Variants in GRID2 observed in about 807,000 individuals in gnomAD.
GRID2 encodes glutamate receptor ionotropic, delta-2.
GRID2 carries 33 observed loss-of-function variants against 114.8 expected under a neutral mutation model. The observed-to-expected ratio is 0.29, with a 90% CI of 0.22 to 0.38. The LOEUF is 0.38. GRID2 is among the 10% of genes least tolerant of loss of function. The pLI, the probability that GRID2 is intolerant of heterozygous loss-of-function variation, is 1.00. For synonymous variants in GRID2, 505 were observed against 449.9 expected (o/e 1.12, Z -1.55); for missense variants, 1,184 against 1,257.7 (o/e 0.94, Z 0.89).
At chr4:93,135,743 ATTTTG>A (rs1271788162) in intron 4 of GRID2, among the ~76,000 whole-genome samples, 1 of 152,134 alleles carries the variant, frequency 6.6e-6, no homozygotes, top group Non-Finnish European at 1.5e-5. Context: ...TCAGGAAAAT[ATTTTG>A]TTTTGTTTTT....
At chr4:92,532,131 GTTGAGTGGGA>G (rs572569867) in intron 1 of GRID2, among the ~76,000 whole-genome samples, 138 of 152,144 alleles carry the variant, frequency 9.1e-4, no homozygotes, top group Non-Finnish European at 1.4e-3. Flanking sequence ...TTCAGTTTCT[GTTGAGTGGGA>G]TATGTTCATG....
At chr4:93,004,653 G>A (rs1481427727) in intron 2 of GRID2, among the ~76,000 whole-genome samples, 1 of 151,910 alleles carries the variant, frequency 6.6e-6, no homozygotes, top group African/African-American at 2.4e-5. Flanking sequence ...CTTCTAATGA[G>A]TGTCACATCT....
At chr4:92,666,059 T>C (rs1560520311) in intron 2 of GRID2, among the ~76,000 whole-genome samples, 3 of 151,548 alleles carry the variant, frequency 2.0e-5, no homozygotes, top group Admixed American at 6.6e-5. Context: ...ATATTGGTCT[T>C]CATGATTGTG....
chr4:93,128,027 CAAAAAAAAAAAAAAAAAA>C (rs1008311457), intron 4 of GRID2, among the ~76,000 whole-genome samples: 1 of 20,344 alleles, frequency 4.9e-5, no homozygotes, highest in Non-Finnish European at 9.7e-5. Flanking sequence ...TCCCCCGCAA[CAAAAAAAAAAAAAAAAAA>C]AAAAAAAAAA....
chr4:93,456,835 C>G (rs560897885), intron 11 of GRID2, among the ~76,000 whole-genome samples: 19 of 152,184 alleles, frequency 1.2e-4, no homozygotes, highest in Admixed American at 3.3e-4. Flanking sequence ...CTTCATTTTT[C>G]TATTCTAATT....
intron 2 of GRID2, among the ~76,000 whole-genome samples, chr4:92,974,249 T>C (rs895405789): frequency 2.6e-5 from 4 of 152,228 alleles, no homozygotes; most frequent in Admixed American, 2.0e-4. Flanking sequence ...GGAGTGTAAA[T>C]TAGTTCAACC....
chr4:92,446,195 C>T (rs1369413701), intron 1 of GRID2, among the ~76,000 whole-genome samples: 3 of 152,130 alleles, frequency 2.0e-5, no homozygotes, highest in Admixed American at 6.6e-5. Context: ...GATCAGGCCA[C>T]CTCAACTTCC....
intron 1 of GRID2, among the ~76,000 whole-genome samples, chr4:92,412,497 A>G (rs1461681374): frequency 1.3e-5 from 2 of 152,144 alleles, no homozygotes; most frequent in Admixed American, 1.3e-4. Flanking sequence ...ATTGATTTGT[A>G]ATTTTTATAT....
chr4:92,585,589 T>G (rs919848558), intron 1 of GRID2, among the ~76,000 whole-genome samples: 2 of 151,966 alleles, frequency 1.3e-5, no homozygotes, highest in Non-Finnish European at 2.9e-5. Context: ...CACAACTTGA[T>G]AAGGTTGTTA....
intron 13 of GRID2, among the ~76,000 whole-genome samples, chr4:93,529,220 C>T (rs1032882098): frequency 1.3e-5 from 2 of 152,112 alleles, no homozygotes; most frequent in African/African-American, 2.4e-5. Context: ...TCAAGATTCA[C>T]GGAGTCTGGG....
intron 4 of GRID2, among the ~76,000 whole-genome samples, chr4:93,145,644 C>CTTTTTTTTTT (rs10605313): frequency 2.2e-5 from 1 of 45,702 alleles, no homozygotes; most frequent in Non-Finnish European, 3.6e-5. Context: ...TTCTTTTTTC[C>CTTTTTTTTTT]TTTTTTTTTT....
chr4:92,744,487 C>CAA (rs34643860), intron 2 of GRID2, among the ~76,000 whole-genome samples: 142 of 85,422 alleles, frequency 1.7e-3, no homozygotes, highest in African/African-American at 5.7e-3. Flanking sequence ...TCCTCCATCT[C>CAA]AAAAAAAAAA....
chr4:93,094,022 T>C (rs1046678871), intron 3 of GRID2, among the ~76,000 whole-genome samples: 4 of 152,094 alleles, frequency 2.6e-5, no homozygotes, highest in African/African-American at 9.7e-5. Flanking sequence ...CTTTCACTTT[T>C]TATTTTTTTA....
chr4:93,306,274 G>A (rs1249853785), intron 8 of GRID2: 2 of 152,160 alleles, frequency 1.3e-5, no homozygotes, highest in African/African-American at 4.8e-5. Context: ...GTAGAAACAG[G>A]ATGCTGATTT....
chr4:93,439,444 A>G (rs1484880589), intron 10 of GRID2, among the ~76,000 whole-genome samples: 3 of 152,078 alleles, frequency 2.0e-5, no homozygotes, highest in Non-Finnish European at 4.4e-5. Context: ...GAATTTGGCT[A>G]TAGGCATTTT....
chr4:93,421,945 A>G (rs534657149), intron 9 of GRID2, among the ~76,000 whole-genome samples: 36 of 152,150 alleles, frequency 2.4e-4, no homozygotes, highest in Non-Finnish European at 5.0e-4. Flanking sequence ...ATGAATGGTT[A>G]TCTGTAAATA....
At chr4:92,784,380 A>G (rs1739222370) in intron 2 of GRID2, among the ~76,000 whole-genome samples, 1 of 151,936 alleles carries the variant, frequency 6.6e-6, no homozygotes, top group Non-Finnish European at 1.5e-5. Flanking sequence ...AAATTATGTC[A>G]ATGACTACCT....
At chr4:93,033,422 C>G (rs1560813487) in intron 2 of GRID2, among the ~76,000 whole-genome samples, 1 of 152,154 alleles carries the variant, frequency 6.6e-6, no homozygotes. Flanking sequence ...GAAGTCAGAA[C>G]AATATGACTT....
rs530735250 is a variant in GRID2, at chr4:92,899,582, ATTGT to A, written c.245-185407_245-185404del. 1.3e-3 allele frequency among the ~76,000 whole-genome samples: 190 copies of A among 151,934 alleles called. 1 individual carries two copies. The highest frequency in any genetic ancestry group is 4.2e-3 in the African/African-American group (176 of 41,564). On this transcript the variant is annotated intron_variant, in intron 2 of 15. Transcript: ENST00000282020. ...CTGATTTAATAGTCAGAGTTCTTTA[ATTGT>A]TTGTTATTTTGTTTTATTCATTTAC... is the stretch of plus-strand genomic sequence containing the variant.
Sources: allele counts gnomAD v4.1 joint callset (sites outside exome capture counted in the v4.1 genomes callset), GRCh38; gene constraint gnomAD v4.1.1; transcripts MANE v1.5; gene names NCBI Gene and HGNC (gene_info 2026-07-23, HGNC 2026-07-21).